The following BAG4 variants were observed in gnomAD, a reference collection of about 807,000 sequenced individuals.
The protein encoded by BAG4 is BAG cochaperone 4.
A neutral mutation model predicts 52.1 loss-of-function variants in BAG4; 28 were observed. The observed-to-expected ratio is 0.54, with a 90% CI of 0.40 to 0.74. BAG4 has a LOEUF of 0.74. Among genes scored for constraint, BAG4 ranks in the 30% least tolerant of loss-of-function variants. The pLI, the probability that BAG4 is intolerant of heterozygous loss-of-function variation, is 0.00. For missense variants in BAG4, 525 were observed against 572.0 expected (o/e 0.92, Z 0.84); for synonymous variants, 208 against 217.0 (o/e 0.96, Z 0.37).
intron 2 of BAG4, among the ~76,000 whole-genome samples, chr8:38,200,567 A>C (rs1803644344): frequency 6.6e-6 from 1 of 151,290 alleles, no homozygotes; most frequent in Non-Finnish European, 1.5e-5. Context: ...CAGCTTTTCA[A>C]CTTATGTAAA....
Position 38,184,189 on chromosome 8 carries a change from G to A in BAG4, c.270+7050G>A, listed in dbSNP as rs1016494353. Among the ~76,000 whole-genome samples, 10 of 152,180 alleles carry A rather than the reference G, an allele frequency of 6.6e-5. No individual in the cohort carries two copies. The South Asian group carries it at 1.7e-3, about 25-fold the overall frequency. ...AGCCAGGAAACTTGGAAGAATGGCC[G>A]GGCGCAGTGGCTCACGCTTGTAATC... On this transcript the variant is annotated intron_variant, in intron 1 of 4. Coordinates refer to ENST00000287322, the MANE Select transcript of BAG4 (RefSeq NM_004874.4).
In BAG4 at chr8:38,205,948, G is replaced by A. The variant is rs557852621; in HGVS notation, c.379-1564G>A. 3.3e-4 allele frequency among the ~76,000 whole-genome samples: 49 copies of A among 150,422 alleles called. No individual in the cohort carries two copies. The Middle Eastern group carries it at 0.027, about 84-fold the overall frequency. On this transcript the variant is annotated intron_variant, in intron 2 of 4. Transcript: ENST00000287322. ...TTTTTTTTTTTTTTTAAATAGATGG[G>A]GTTTGACTATATTCCTGAGGCTGGT...
intron 1 of BAG4, among the ~76,000 whole-genome samples, chr8:38,183,255 G>A (rs1803304831): frequency 6.6e-6 from 1 of 151,880 alleles, no homozygotes; most frequent in Middle Eastern, 3.2e-3. Flanking sequence ...CACCATGTTA[G>A]CCAGGATGGT....
chr8:38,203,471 G>A (rs182932609), intron 2 of BAG4, among the ~76,000 whole-genome samples: 44 of 151,990 alleles, frequency 2.9e-4, no homozygotes, highest in African/African-American at 9.9e-4. Context: ...TTTTAGTAGA[G>A]ACAGGGTTTC....
chr8:38,209,565 T>C lies in BAG4; in HGVS notation c.888+298T>C, dbSNP rs1345726202. Reference sequence around the variant, plus strand: ...AGATGCATTTTACTACTTCAAATAATCTATGAACAGAAGACAAAACCAATG... The same window carrying C: ...AGATGCATTTTACTACTTCAAATAACCTATGAACAGAAGACAAAACCAATG... On this transcript the variant is annotated intron_variant, in intron 4 of 4. Transcript: ENST00000287322. 3 of 427,942 alleles carry C rather than the reference T, an allele frequency of 7.0e-6. No individual in the cohort carries two copies. The South Asian group carries it at 1.0e-4, about 14-fold the overall frequency. The allele number at this position is 427,942 out of a possible 1,614,324, so 26.5% of individuals were successfully genotyped here.
intron 2 of BAG4, among the ~76,000 whole-genome samples, chr8:38,197,524 T>C (rs1392829469): frequency 6.6e-6 from 1 of 152,214 alleles, no homozygotes; most frequent in East Asian, 1.9e-4. Flanking sequence ...CTTGCAGGAC[T>C]GGAAGTTACT....
chr8:38,200,514 C>T (rs1032558391), intron 2 of BAG4, among the ~76,000 whole-genome samples: 30 of 151,996 alleles, frequency 2.0e-4, no homozygotes, highest in African/African-American at 7.0e-4. Context: ...CATATGGTTT[C>T]GGCTATTCTG....
chr8:38,205,798 T>C (rs934534040), intron 2 of BAG4, among the ~76,000 whole-genome samples: 11 of 152,128 alleles, frequency 7.2e-5, no homozygotes, highest in Non-Finnish European at 1.0e-4. Context: ...GAGATAGAGA[T>C]GAGTATAGGA....
intron 1 of BAG4, among the ~76,000 whole-genome samples, chr8:38,182,581 AC>A (rs1803289916): frequency 1.3e-5 from 2 of 152,214 alleles, no homozygotes; most frequent in African/African-American, 4.8e-5. Flanking sequence ...ACATTTTATT[AC>A]CTTTGTTTTA....
chr8:38,192,824 A>G (rs2130674594), intron 2 of BAG4, 29 bp downstream of exon 2: 2 of 1,502,984 alleles, frequency 1.3e-6, no homozygotes, highest in East Asian at 4.5e-5. Flanking sequence ...GACTTTCTGA[A>G]CTTTTTCTTA....
Position 38,208,018 on chromosome 8 carries a change from CT to C in BAG4, c.633+266del, listed in dbSNP as rs33941853. Reference sequence around the variant, plus strand: ...TGCTTGAAAGTTTCCCTATCTTAGCCTTTTTTTTTTTTTTGTGGCGTGATCT... The same window carrying C: ...TGCTTGAAAGTTTCCCTATCTTAGCCTTTTTTTTTTTTTGTGGCGTGATCT... On this transcript the variant is annotated intron_variant, in intron 3 of 4. Coordinates refer to ENST00000287322, the MANE Select transcript of BAG4 (RefSeq NM_004874.4). Among the ~76,000 whole-genome samples the C allele has an allele frequency of 1.0e-2, 1,414 of 141,430 alleles. 11 individuals are homozygous for C. Among genetic ancestry groups the C allele is most frequent in the African/African-American group, 0.03 (1,164 of 38,876 alleles). The allele number at this position is 141,430 out of a possible 152,430, so 92.8% of individuals were successfully genotyped here. A position where few individuals can be genotyped will look rare whatever the true frequency, so the allele number is the denominator to read the frequency against.
intron 1 of BAG4, among the ~76,000 whole-genome samples, chr8:38,179,712 G>A (rs1243146529): frequency 6.6e-6 from 1 of 151,842 alleles, no homozygotes; most frequent in Non-Finnish European, 1.5e-5. Context: ...GTTGCAGTGA[G>A]CTGAGATCAC....
At chr8:38,201,901 TTTTTTTTTA>T (rs1563284191) in intron 2 of BAG4, 2 of 120,844 alleles carry the variant, frequency 1.7e-5, no homozygotes, top group Non-Finnish European at 3.4e-5. Context: ...TTTTTTTTTT[TTTTTTTTTA>T]AGAAGCTGTT....
At chr8:38,177,828 T>C (rs1375163571) in intron 1 of BAG4, among the ~76,000 whole-genome samples, 1 of 152,128 alleles carries the variant, frequency 6.6e-6, no homozygotes, top group East Asian at 1.9e-4. Flanking sequence ...CTGCCGGACA[T>C]ATACTTCTGC....
chr8:38,180,610 TTA>T (rs1455471990), intron 1 of BAG4, among the ~76,000 whole-genome samples: 1 of 152,024 alleles, frequency 6.6e-6, no homozygotes, highest in Admixed American at 6.6e-5. Flanking sequence ...TGACTTTTTT[TTA>T]TGTTTTGCAT....
intron 1 of BAG4, among the ~76,000 whole-genome samples, chr8:38,182,421 T>C (rs1803288298): frequency 6.6e-6 from 1 of 152,214 alleles, no homozygotes; most frequent in African/African-American, 2.4e-5. Context: ...GAAAATGTAA[T>C]CACATATCCA....
At position 38,212,673 on chromosome 8, in the gene BAG4, G is replaced by A. The variant is rs1174846784; in HGVS notation, c.*2180G>A. 1 of 152,188 alleles carries A rather than the reference G, an allele frequency of 6.6e-6. No individual in the cohort carries two copies. Among genetic ancestry groups the A allele is most frequent in the African/African-American group, 2.4e-5 (1 of 41,446 alleles). 9.4% of individuals were successfully genotyped at this position (152,188 alleles called of 1,614,324 possible). A position where few individuals can be genotyped will look rare whatever the true frequency, so the allele number is the denominator to read the frequency against. ...ATCATAACAGGGGATACCTGATGTT[G>A]TAATGTATTTCTGGTGTTGTTAACC... On this transcript the variant is annotated 3_prime_UTR_variant, in exon 5 of 5. Transcript: ENST00000287322.
In BAG4 at chr8:38,207,536, G is replaced by A; in HGVS notation, c.403G>A (p.Ala135Thr). 1 of 1,613,168 alleles carries A rather than the reference G, an allele frequency of 6.2e-7. No individual in the cohort carries two copies. Among genetic ancestry groups the A allele is most frequent in the South Asian group, 1.1e-5 (1 of 91,022 alleles). ...GQSLNSYTNG[A>T]YGPTYPPGPG... The stretch of plus-strand genomic sequence containing the variant: ...GAGTTTGAATTCTTATACAAATGGA[G>A]CGTATGGTCCAACATACCCCCCAGG... The change falls in exon 3 of 5, where the codon GCG (alanine) becomes ACG (threonine). Residue 135 changes from alanine to threonine, a missense_variant. Physicochemically the swap from Ala to Thr is moderately conservative, Grantham distance 58. Around this residue, in one of 2 missense-constraint regions of BAG4, gnomAD observed 287 missense variants for 266.1 expected, o/e 1.08. Transcript: ENST00000287322.
rs190953663 is a variant in BAG4, at chr8:38,209,072, A to G, written c.693A>G (p.Gln231=). Residue 231 remains glutamine, a synonymous_variant, in exon 4 of 5, where the codon CAA becomes CAG. Coordinates refer to ENST00000287322, the MANE Select transcript of BAG4 (RefSeq NM_004874.4). Reference sequence around the variant, plus strand: ...GAGATGGTAATCGTAGTGTTCCACAATCAGGACCGACTGTACGACCACAAG... The same window carrying G: ...GAGATGGTAATCGTAGTGTTCCACAGTCAGGACCGACTGTACGACCACAAG... ...PYGDGNRSVP[Q]SGPTVRPQED... 63 of 1,614,138 alleles carry G rather than the reference A, an allele frequency of 3.9e-5. No individual in the cohort carries two copies. The East Asian group carries it at 5.3e-4, about 14-fold the overall frequency.
Sources: allele counts gnomAD v4.1 joint callset (sites outside exome capture counted in the v4.1 genomes callset), GRCh38; gene constraint gnomAD v4.1.1; regional missense constraint gnomAD v4.1.1; transcripts MANE v1.5; gene names NCBI Gene and HGNC (gene_info 2026-07-23, HGNC 2026-07-21).